Variants in ZNF423 observed in about 807,000 individuals in gnomAD.
ZNF423 encodes the protein Ebf-associated zinc finger protein.
ZNF423 carries 12 observed loss-of-function variants against 95.8 expected under a neutral mutation model. The observed-to-expected ratio is 0.13, with a 90% CI of 0.08 to 0.20. The LOEUF (loss-of-function observed/expected upper bound fraction) is 0.20. Among genes scored for constraint, ZNF423 ranks in the 10% least tolerant of loss-of-function variants. The pLI is 1.00. For missense variants in ZNF423, 1,316 were observed against 1,737.1 expected, an observed-to-expected ratio of 0.76 and a Z score of 4.31; for synonymous variants, 749 against 711.9, an observed-to-expected ratio of 1.05 and a Z score of -0.83.
At chr16:49,595,287 T>C (rs942123257) in intron 5 of ZNF423, among the ~76,000 whole-genome samples, 6 of 152,184 alleles carry the variant, frequency 3.9e-5, no homozygotes, top group East Asian at 1.9e-4. Context: ...CACTGGGACA[T>C]TGTCCCTGGA....
intron 2 of ZNF423, among the ~76,000 whole-genome samples, chr16:49,741,508 A>G (rs1307367719): frequency 6.6e-6 from 1 of 151,046 alleles, no homozygotes; most frequent in Non-Finnish European, 1.5e-5. Flanking sequence ...CTCTGTCTCA[A>G]AAAAAAAAGA....
At chr16:49,781,999 G>A (rs1157215083) in intron 2 of ZNF423, among the ~76,000 whole-genome samples, 1 of 152,240 alleles carries the variant, frequency 6.6e-6, no homozygotes, top group Non-Finnish European at 1.5e-5. Flanking sequence ...GGATGGGGCT[G>A]GAGGTGGTGT....
At chr16:49,805,883 TTGCTTCTG>T (rs2034654920) in intron 1 of ZNF423, among the ~76,000 whole-genome samples, 1 of 152,248 alleles carries the variant, frequency 6.6e-6, no homozygotes. Flanking sequence ...AATAGGATGA[TTGCTTCTG>T]TGCCCCCAGC....
At chr16:49,662,696 G>T (rs1302367993) in intron 3 of ZNF423, among the ~76,000 whole-genome samples, 1 of 152,138 alleles carries the variant, frequency 6.6e-6, no homozygotes, top group African/African-American at 2.4e-5. Flanking sequence ...GAAGGGTGGG[G>T]TGCCACTCTG....
intron 5 of ZNF423, among the ~76,000 whole-genome samples, chr16:49,625,753 G>C (rs1345089289): frequency 6.6e-6 from 1 of 152,236 alleles, no homozygotes; most frequent in African/African-American, 2.4e-5. Context: ...GAAAAGTACT[G>C]AAATAACTTT....
chr16:49,798,701 G>A (rs567173694), intron 1 of ZNF423, among the ~76,000 whole-genome samples: 30 of 152,254 alleles, frequency 2.0e-4, no homozygotes, highest in South Asian at 1.2e-3. Flanking sequence ...GGGTCTCCAC[G>A]TCGGCGCTTG....
chr16:49,691,772 A>C (rs1331041061), intron 3 of ZNF423, among the ~76,000 whole-genome samples: 1 of 151,900 alleles, frequency 6.6e-6, no homozygotes. Flanking sequence ...TTCACAAGTA[A>C]CAGAGATGTT....
chr16:49,586,481 G>C (rs751634399), intron 5 of ZNF423, among the ~76,000 whole-genome samples: 7 of 152,332 alleles, frequency 4.6e-5, no homozygotes, highest in Non-Finnish European at 7.3e-5. Context: ...GTTATGCAAG[G>C]CTGCACCGGC....
rs2151883293 is a variant in ZNF423 at position 49,636,785 on chromosome 16, G to A, written c.2391C>T (p.Thr797=). The A allele has an allele frequency of 6.2e-7, 1 of 1,614,128 alleles. No homozygotes were observed. The highest frequency in any genetic ancestry group is 8.5e-7 in the Non-Finnish European group (1 of 1,180,006). ...KAHKCIFCGE[T]FSTEVELQCH... ...ACTGCAGCTCCACCTCGGTGCTGAA[G>A]GTCTCCCCACAGAAGATGCACTTGT... The change falls in exon 4 of 8, where the codon ACC becomes ACT. Residue 797 remains threonine, a synonymous_variant. Coordinates refer to ENST00000563137, the MANE Select transcript of ZNF423 (RefSeq NM_001379286.1). This position sits in a 1 kb window ranked among gnomAD's most constrained non-coding sequence, Gnocchi z 8.6.
At chr16:49,794,849 A>G (rs2034473579) in intron 1 of ZNF423, among the ~76,000 whole-genome samples, 2 of 152,216 alleles carry the variant, frequency 1.3e-5, no homozygotes, top group South Asian at 4.1e-4. Flanking sequence ...AGCTCAGTGC[A>G]AACATAGTAG....
chr16:49,680,137 C>T (rs115650267), intron 3 of ZNF423, among the ~76,000 whole-genome samples: 4,517 of 152,310 alleles, frequency 0.03, 217 homozygotes, highest in African/African-American at 0.1. Flanking sequence ...TGGGGACAAC[C>T]TGCCTGAGGC....
chr16:49,705,675 G>A (rs1403397108), intron 3 of ZNF423, among the ~76,000 whole-genome samples: 1 of 152,110 alleles, frequency 6.6e-6, no homozygotes, highest in East Asian at 1.9e-4. Context: ...AGCCTCCCAA[G>A]TAGCTGGGAT....
At chr16:49,734,144 G>A (rs552388098) in intron 2 of ZNF423, among the ~76,000 whole-genome samples, 4 of 152,328 alleles carry the variant, frequency 2.6e-5, no homozygotes, top group Non-Finnish European at 4.4e-5. Flanking sequence ...CCTGGAGACC[G>A]TCTGGGGTTC....
chr16:49,580,634 T>C (rs1970640400), intron 5 of ZNF423, among the ~76,000 whole-genome samples: 2 of 152,216 alleles, frequency 1.3e-5, no homozygotes, highest in African/African-American at 2.4e-5. Context: ...CAACCTGTGA[T>C]GCATATCAAT....
At chr16:49,574,001 G>T (rs12597562) in intron 5 of ZNF423, among the ~76,000 whole-genome samples, 17,644 of 152,226 alleles carry the variant, frequency 0.12, 1,181 homozygotes, top group East Asian at 0.27. Flanking sequence ...AGGAATCACT[G>T]CACGGCTGAG....
At chr16:49,731,655 A>G (rs61474688) in intron 2 of ZNF423, among the ~76,000 whole-genome samples, 52,989 of 151,750 alleles carry the variant, frequency 0.35, 9,367 homozygotes, top group Non-Finnish European at 0.37. Flanking sequence ...TCTACAAAAA[A>G]AAAAAAATTT....
intron 2 of ZNF423, among the ~76,000 whole-genome samples, chr16:49,756,022 C>G (rs2033720117): frequency 1.3e-5 from 2 of 152,120 alleles, no homozygotes; most frequent in Admixed American, 6.6e-5. Context: ...ATGCAGGGGC[C>G]AGACTGAAAG....
At chr16:49,767,412 T>C (rs1364254526) in intron 2 of ZNF423, among the ~76,000 whole-genome samples, 1 of 152,122 alleles carries the variant, frequency 6.6e-6, no homozygotes, top group East Asian at 1.9e-4. Flanking sequence ...CTGCATCAGG[T>C]ACAAAAAGAC....
At chr16:49,623,590 C>G (rs773477068) in intron 5 of ZNF423, among the ~76,000 whole-genome samples, 1 of 152,250 alleles carries the variant, frequency 6.6e-6, no homozygotes, top group South Asian at 2.1e-4. Context: ...CCTGACACTC[C>G]GTGAAAGGAC....
Sources: gnomAD v4.1 joint callset for allele counts (sites outside exome capture counted in the v4.1 genomes callset) on GRCh38, gnomAD v4.1.1 for gene constraint, Gnocchi (gnomAD v3.1) non-coding constraint, MANE v1.5 for transcripts, NCBI Gene and HGNC (gene_info 2026-07-23, HGNC 2026-07-21) for gene names.